The following GFRAL variants were observed in gnomAD, a reference collection of about 807,000 sequenced individuals.
The protein encoded by GFRAL is GDNF family receptor alpha like.
A neutral mutation model predicts 45.4 loss-of-function variants in GFRAL; 36 were observed. That is an observed-to-expected ratio of 0.79 (90% CI 0.61 to 1.05). The LOEUF is 1.05. GFRAL is among the 50% of genes least tolerant of loss of function. The pLI is 0.00. For synonymous variants in GFRAL, 166 were observed against 154.1 expected, an observed-to-expected ratio of 1.08 and a Z score of -0.57; for missense variants, 507 against 467.5, an observed-to-expected ratio of 1.08 and a Z score of -0.78.
rs191065871 is a variant in GFRAL, at chr6:55,327,914, A to G, written c.22+338A>G. ...AGAACCTTTTAGAAATAAAAATAAA[A>G]CCTTCCAGTATCTATTTACAAGTTA... is the stretch of plus-strand genomic sequence containing the variant. On this transcript the variant is annotated intron_variant, in intron 1 of 8. Coordinates refer to ENST00000340465, the MANE Select transcript of GFRAL (RefSeq NM_207410.2). Among the ~76,000 whole-genome samples the G allele has an allele frequency of 7.1e-4, 108 of 152,074 alleles. No individual in the cohort carries two copies. In the East Asian group the frequency reaches 0.015, roughly 21 times the overall value.
rs369845086 is a variant in GFRAL at position 55,350,565 on chromosome 6, T to G, written c.370+420T>G. Among the ~76,000 whole-genome samples, 16 of 151,978 alleles carry G rather than the reference T, an allele frequency of 1.1e-4. No homozygotes were observed. In the South Asian group the frequency reaches 2.7e-3, roughly 26 times the overall value. ...AAAAGTCAAAACTTAGCGGGTCATG[T>G]AGGCTTGTGTCTGTGATCCCAGCTC... is the stretch of plus-strand genomic sequence containing the variant. On this transcript the variant is annotated intron_variant, in intron 4 of 8. Transcript: ENST00000340465.
At chr6:55,351,691 C>A in intron 5 of GFRAL, 108 bp downstream of exon 5, 1 of 708,788 alleles carries the variant, frequency 1.4e-6, no homozygotes, top group Non-Finnish European at 2.3e-6. Context: ...CACCATCATC[C>A]AACATAGTGT....
At chr6:55,327,650 C>T (rs1291316205) in intron 1 of GFRAL, 74 bp downstream of exon 1, 2 of 1,387,238 alleles carry the variant, frequency 1.4e-6, no homozygotes, top group African/African-American at 1.4e-5. Context: ...TACCATCACA[C>T]TTAAGCTTAA....
intron 6 of GFRAL, among the ~76,000 whole-genome samples, chr6:55,369,145 T>G (rs1190620479): frequency 6.6e-6 from 1 of 151,562 alleles, no homozygotes; most frequent in Admixed American, 6.6e-5. Flanking sequence ...AATCTCATGG[T>G]GCGCCGTTTT....
intron 6 of GFRAL, among the ~76,000 whole-genome samples, chr6:55,395,175 A>AAATATATATATATATAT: frequency 3.7e-4 from 46 of 123,474 alleles, no homozygotes; most frequent in African/African-American, 1.3e-3. Flanking sequence ...AAAAAAAAAA[A>AAATATATATATATATAT]ATATATATAT....
chr6:55,380,632 T>C (rs1210211166), intron 6 of GFRAL, among the ~76,000 whole-genome samples: 1 of 151,908 alleles, frequency 6.6e-6, no homozygotes, highest in Non-Finnish European at 1.5e-5. Flanking sequence ...CTTACACCTC[T>C]CAGGGAATAA....
intron 6 of GFRAL, among the ~76,000 whole-genome samples, chr6:55,380,565 C>G (rs987130916): frequency 1.3e-5 from 2 of 151,916 alleles, no homozygotes; most frequent in Non-Finnish European, 2.9e-5. Context: ...AACCACTTCT[C>G]TAATCCACAT....
chr6:55,363,260 A>G (rs1768302191), intron 6 of GFRAL, among the ~76,000 whole-genome samples: 1 of 151,962 alleles, frequency 6.6e-6, no homozygotes, highest in African/African-American at 2.4e-5. Context: ...TACTTGTAAT[A>G]CATACATACT....
chr6:55,336,136 T>A (rs755482644), intron 3 of GFRAL, among the ~76,000 whole-genome samples: 4 of 151,940 alleles, frequency 2.6e-5, no homozygotes, highest in Admixed American at 2.6e-4. Flanking sequence ...TAGAAACGGG[T>A]TTTCGCCATG....
intron 6 of GFRAL, among the ~76,000 whole-genome samples, chr6:55,362,950 A>AGAG (rs1768297397): frequency 6.7e-6 from 1 of 149,420 alleles, no homozygotes; most frequent in African/African-American, 2.5e-5. Context: ...GAGAGAAAGG[A>AGAG]GAGGAGGAGG....
intron 6 of GFRAL, among the ~76,000 whole-genome samples, chr6:55,389,259 CA>C (rs1281611122): frequency 2.6e-5 from 4 of 152,110 alleles, no homozygotes; most frequent in African/African-American, 9.7e-5. Context: ...CTCCACTCTT[CA>C]AAAGGTCCCA....
chr6:55,400,947 A>C (rs1049845549), intron 8 of GFRAL, among the ~76,000 whole-genome samples: 1 of 152,134 alleles, frequency 6.6e-6, no homozygotes, highest in Non-Finnish European at 1.5e-5. Flanking sequence ...TACATACAGA[A>C]TGTATAAAAT....
chr6:55,353,461 T>C (rs540644177), intron 5 of GFRAL, among the ~76,000 whole-genome samples: 16 of 152,072 alleles, frequency 1.1e-4, no homozygotes, highest in Non-Finnish European at 1.8e-4. Context: ...TCCTAGAGCA[T>C]TGACATATTT....
At chr6:55,383,701 A>C (rs541885913) in intron 6 of GFRAL, among the ~76,000 whole-genome samples, 83 of 152,082 alleles carry the variant, frequency 5.5e-4, no homozygotes, top group African/African-American at 1.5e-3. Flanking sequence ...GCTACACATG[A>C]TTGTACATAC....
At chr6:55,345,220 G>C (rs1271057745) in intron 3 of GFRAL, among the ~76,000 whole-genome samples, 1 of 152,150 alleles carries the variant, frequency 6.6e-6, no homozygotes, top group Non-Finnish European at 1.5e-5. Flanking sequence ...AACCAAAAAA[G>C]GGCCCGCATT....
At chr6:55,359,984 G>C (rs1314656040) in intron 6 of GFRAL, among the ~76,000 whole-genome samples, 1 of 151,918 alleles carries the variant, frequency 6.6e-6, no homozygotes, top group East Asian at 1.9e-4. Context: ...TTCTCCCCTT[G>C]GTCTTTAACA....
chr6:55,336,536 T>C (rs776383748), intron 3 of GFRAL, among the ~76,000 whole-genome samples: 4 of 152,228 alleles, frequency 2.6e-5, no homozygotes, highest in Non-Finnish European at 5.9e-5. Flanking sequence ...CTTAACTTTC[T>C]ATTGATTATA....
intron 3 of GFRAL, among the ~76,000 whole-genome samples, chr6:55,341,063 G>A (rs1646003709): frequency 6.6e-6 from 1 of 152,214 alleles, no homozygotes; most frequent in South Asian, 2.1e-4. Context: ...AGCTCAAGGA[G>A]GCCTGCTTGC....
chr6:55,392,861 C>G lies in GFRAL; in HGVS notation c.953-6319C>G, dbSNP rs189747285. 1.1e-3 allele frequency among the ~76,000 whole-genome samples: 163 copies of G among 152,004 alleles called. 1 individual carries two copies. The highest frequency in any genetic ancestry group is 3.8e-3 in the African/African-American group (158 of 41,400). ...CCTATGTAACAAACCTACACATGTA[C>G]CCTTGAACTTAAAAATTAAACAAAA... On this transcript the variant is annotated intron_variant, in intron 6 of 8. Transcript: ENST00000340465.
Sources: allele counts gnomAD v4.1 joint callset (sites outside exome capture counted in the v4.1 genomes callset), GRCh38; gene constraint gnomAD v4.1.1; transcripts MANE v1.5; gene names NCBI Gene and HGNC (gene_info 2026-07-23, HGNC 2026-07-21).